AKAP10: variants seen among roughly 807,000 people sequenced by gnomAD.
AKAP10 encodes the protein A-kinase anchor protein 10, mitochondrial.
Under a neutral mutation model 80.8 loss-of-function variants are expected in AKAP10, and 24 were observed. The ratio of observed to expected loss-of-function variants is 0.30; its 90% confidence interval spans 0.22 to 0.42. The LOEUF is 0.42. Among genes scored for constraint, AKAP10 ranks in the 10% least tolerant of loss-of-function variants. The pLI is 1.00. For missense variants in AKAP10, 661 were observed against 794.9 expected, an observed-to-expected ratio of 0.83 and a Z score of 2.03; for synonymous variants, 291 against 277.7, an observed-to-expected ratio of 1.05 and a Z score of -0.48.
At chr17:19,920,233 AG>A (rs1369284439) in intron 11 of AKAP10, 115 bp from the exon 12 acceptor site, 2 of 702,150 alleles carry the variant, frequency 2.8e-6, no homozygotes, top group Non-Finnish European at 2.4e-6. Flanking sequence ...CACAATTTAT[AG>A]CTATCCTAAG....
intron 12 of AKAP10, among the ~76,000 whole-genome samples, chr17:19,912,668 T>G (rs2042703390): frequency 6.6e-6 from 1 of 152,190 alleles, no homozygotes; most frequent in Non-Finnish European, 1.5e-5. Flanking sequence ...CCAGCTGAGA[T>G]GGTGTCACTG....
intron 12 of AKAP10, among the ~76,000 whole-genome samples, chr17:19,918,224 CAAAAA>C (rs559332326): frequency 0.021 from 1,773 of 86,070 alleles, 41 homozygotes; most frequent in African/African-American, 0.067. Flanking sequence ...CCGTCTCAAA[CAAAAA>C]AAAAAAAAAA....
chr17:19,932,271 T>C (rs962028132), intron 9 of AKAP10, among the ~76,000 whole-genome samples: 1 of 151,734 alleles, frequency 6.6e-6, no homozygotes, highest in Admixed American at 6.6e-5. Context: ...GCCAACATGA[T>C]GAAACCCCAT....
chr17:19,971,211 T>C (rs2043493365), intron 1 of AKAP10, among the ~76,000 whole-genome samples: 1 of 151,916 alleles, frequency 6.6e-6, no homozygotes, highest in Non-Finnish European at 1.5e-5. Flanking sequence ...TGCACATCTT[T>C]AAAAATCACG....
chr17:19,940,800 G>A (rs2043043565), intron 7 of AKAP10, 87 bp downstream of exon 7: 6 of 1,404,002 alleles, frequency 4.3e-6, no homozygotes, highest in South Asian at 1.8e-5. Context: ...TGGCTCTTCT[G>A]TGTTATTTCC....
At chr17:19,964,103 T>G (rs905398648) in intron 2 of AKAP10, among the ~76,000 whole-genome samples, 2 of 152,182 alleles carry the variant, frequency 1.3e-5, no homozygotes, top group Admixed American at 6.5e-5. Flanking sequence ...TTTATTTTCA[T>G]GAGAAATTGG....
At position 19,905,569 on chromosome 17, in the gene AKAP10, C is replaced by T. The variant is rs2042624257; in HGVS notation, c.*658G>A. The T allele has an allele frequency of 6.6e-6, 1 of 152,626 alleles. No homozygotes were observed. Among genetic ancestry groups the T allele is most frequent in the Non-Finnish European group, 1.5e-5 (1 of 68,050 alleles). The allele number at this position is 152,626 out of a possible 1,614,324, so 9.5% of individuals were successfully genotyped here. A position where few individuals can be genotyped will look rare whatever the true frequency, so the allele number is the denominator to read the frequency against. ...GGAGAGAATGGTTTTAAGTATAGTG[C>T]ATCTCAGGAGGAGGAATTAAAATGT... On this transcript the variant is annotated 3_prime_UTR_variant, in exon 15 of 15. Transcript: ENST00000225737.
chr17:19,939,763 G>T lies in AKAP10; in HGVS notation c.1272C>A (p.Gly424=), dbSNP rs1328775185. 6.2e-7 allele frequency: 1 copy of T among 1,613,588 alleles called. No individual in the cohort carries two copies. The highest frequency in any genetic ancestry group is 8.5e-7 in the Non-Finnish European group (1 of 1,179,960). The change falls in exon 8 of 15, where the codon GGC becomes GGA. Residue 424 remains glycine, a synonymous_variant. Transcript: ENST00000225737. The stretch of plus-strand genomic sequence containing the variant: ...TCTGTGCCTCCTGTCCATCATATTG[G>T]CCCTTTTTGGCAGCAAGCTGAGACT... The part of the protein sequence containing the change: ...NFQSQLAAKK[G]QYDGQEAQND...
chr17:19,937,842 A>G (rs1177808234), intron 8 of AKAP10, among the ~76,000 whole-genome samples: 1 of 152,122 alleles, frequency 6.6e-6, no homozygotes, highest in Non-Finnish European at 1.5e-5. Flanking sequence ...TTACTTGCAA[A>G]ATAGGAAAAT....
intron 14 of AKAP10, 139 bp from the exon 15 acceptor site, chr17:19,906,371 T>C (rs1201661694): frequency 1.5e-5 from 13 of 894,064 alleles, no homozygotes; most frequent in Non-Finnish European, 2.2e-5. Flanking sequence ...GACTACAATT[T>C]TGTGAGGTAA....
chr17:19,955,842 A>G (rs1233457096), intron 4 of AKAP10, among the ~76,000 whole-genome samples: 1 of 152,160 alleles, frequency 6.6e-6, no homozygotes, highest in Non-Finnish European at 1.5e-5. Context: ...CTCAAAAAAA[A>G]AACAATTACA....
In AKAP10 at chr17:19,951,172, TGG is replaced by T. The variant is rs2043204334; in HGVS notation, c.878-3669_878-3668del. ...CCCCCGCCCGGCCAGCCGCCCCATC[TGG>T]GAGGGAGGTGGGGGGTCAGCCCCCG... On this transcript the variant is annotated intron_variant, in intron 4 of 14. Transcript: ENST00000225737. 3.8e-5 allele frequency among the ~76,000 whole-genome samples: 4 copies of T among 105,968 alleles called. No homozygotes were observed. The South Asian group carries it at 1.2e-3, about 31-fold the overall frequency. 69.5% of individuals were successfully genotyped at this position (105,968 alleles called of 152,430 possible).
At chr17:19,939,588 C>G in intron 8 of AKAP10, 125 bp downstream of exon 8, 1 of 1,097,780 alleles carries the variant, frequency 9.1e-7, no homozygotes, top group Non-Finnish European at 1.3e-6. Context: ...CATATAAAAG[C>G]AGCTTTTATG....
chr17:19,941,105 T>G, intron 6 of AKAP10, 95 bp from the exon 7 acceptor site: 4 of 1,353,470 alleles, frequency 3.0e-6, no homozygotes, highest in Non-Finnish European at 4.0e-6. Context: ...CTATTGTATC[T>G]TAAAGGCCTA....
rs2152414596 is a variant in AKAP10, at chr17:19,941,926, T to C, written c.977-16A>G. 6.2e-7 allele frequency: 1 copy of C among 1,605,470 alleles called. No homozygotes were observed. The highest frequency in any genetic ancestry group is 8.5e-7 in the Non-Finnish European group (1 of 1,176,090). Reference sequence around the variant, plus strand: ...CAAATCCTTGCTGCAAAAGAAGTTGTAAATAATTAAATTGCCACTAAATTC... The same window carrying C: ...CAAATCCTTGCTGCAAAAGAAGTTGCAAATAATTAAATTGCCACTAAATTC... On this transcript the variant is annotated splice_polypyrimidine_tract_variant and intron_variant, in intron 5 of 14. Coordinates refer to ENST00000225737, the MANE Select transcript of AKAP10 (RefSeq NM_007202.4).
intron 4 of AKAP10, among the ~76,000 whole-genome samples, chr17:19,949,280 A>C (rs1371070013): frequency 6.6e-6 from 1 of 152,172 alleles, no homozygotes; most frequent in African/African-American, 2.4e-5. Flanking sequence ...ACAAAGACTC[A>C]ATAACAGAAT....
rs377275401 is a variant in AKAP10 at position 19,909,910 on chromosome 17, T to C, written c.1887+16A>G. 8 of 1,612,138 alleles carry C rather than the reference T, an allele frequency of 5.0e-6. No homozygotes were observed. Among genetic ancestry groups the C allele is most frequent in the East Asian group, 2.2e-5 (1 of 44,786 alleles). On this transcript the variant is annotated intron_variant, in intron 13 of 14. Coordinates refer to ENST00000225737, the MANE Select transcript of AKAP10 (RefSeq NM_007202.4). Reference sequence around the variant, plus strand: ...CTTATAAACAGAAATCTTTTTATCCTAAAGGTAGGATTTACCTCATCAGTA... The same window carrying C: ...CTTATAAACAGAAATCTTTTTATCCCAAAGGTAGGATTTACCTCATCAGTA...
chr17:19,933,314 C>T (rs973463778), intron 9 of AKAP10, among the ~76,000 whole-genome samples: 10 of 152,148 alleles, frequency 6.6e-5, no homozygotes, highest in South Asian at 2.1e-4. Context: ...CCACCGTGCC[C>T]GGCCAATATG....
chr17:19,917,687 T>C (rs1377039136), intron 12 of AKAP10, among the ~76,000 whole-genome samples: 1 of 152,044 alleles, frequency 6.6e-6, no homozygotes, highest in Non-Finnish European at 1.5e-5. Flanking sequence ...GTAAGCCCAG[T>C]ACTTTGGGAG....
Sources: allele counts gnomAD v4.1 joint callset (sites outside exome capture counted in the v4.1 genomes callset), GRCh38; gene constraint gnomAD v4.1.1; transcripts MANE v1.5; gene names NCBI Gene and HGNC (gene_info 2026-07-23, HGNC 2026-07-21).